Variants in GALNS observed in about 807,000 individuals in gnomAD.
GALNS encodes N-acetylgalactosamine-6-sulfatase.
In GALNS, 65 loss-of-function variants were observed where a neutral mutation model predicts 65.9. The observed-to-expected ratio is 0.99, with a 90% CI of 0.81 to 1.21. The LOEUF is 1.21. Among genes scored for constraint, GALNS ranks in the 50% most tolerant of loss-of-function variants. GALNS has a pLI of 0.00. For synonymous variants in GALNS, 346 were observed against 288.9 expected, an observed-to-expected ratio of 1.20 and a Z score of -2.00; for missense variants, 776 against 700.7, an observed-to-expected ratio of 1.11 and a Z score of -1.21.
intron 1 of GALNS, chr16:88,855,247 T>C: frequency 2.9e-6 from 2 of 699,384 alleles, no homozygotes. Context: ...TCTGAGAAAG[T>C]CAGGAAAAGC....
chr16:88,849,088 T>C lies in GALNS; in HGVS notation c.121-6259A>G, dbSNP rs74035863. 2.0e-3 allele frequency among the ~76,000 whole-genome samples: 304 copies of C among 152,312 alleles called. 3 individuals carry two copies. Among genetic ancestry groups the C allele is most frequent in the African/African-American group, 7.2e-3 (298 of 41,548 alleles). ...ATGTCTCATGGGACACAATTCTGTT[T>C]GGCCCTTTTAGCTTTGGATCCCTTT... On this transcript the variant is annotated intron_variant, in intron 1 of 13. Coordinates refer to ENST00000268695, the MANE Select transcript of GALNS (RefSeq NM_000512.5).
rs556077624 is a variant in GALNS at position 88,816,609 on chromosome 16, C to T, written c.1482+1398G>A. The T allele has an allele frequency of 1.2e-4, 117 of 984,202 alleles. No homozygotes were observed. In the African/African-American group the frequency reaches 1.9e-3, roughly 16 times the overall value. The allele number at this position is 984,202 out of a possible 1,614,324, so 61.0% of individuals were successfully genotyped here. On this transcript the variant is annotated intron_variant, in intron 13 of 13. Transcript: ENST00000268695. ...GGACTGTCCCTGGGCAGGGACAAGG[C>T]CATCTGCCCTCCATGGTCCTCACTG...
Position 88,824,842 on chromosome 16 carries a change from C to T in GALNS, c.1167G>A (p.Thr389=), listed in dbSNP as rs1289573209. The part of the protein sequence containing the change: ...DRPIFYYRGD[T]LMAATLGQHK... ...GCTGCCCGAGGGTGGCCGCCATCAG[C>T]GTGTCGCCACGGTAATAGAAGATAG... Residue 389 remains threonine (T), a synonymous_variant, in exon 11 of 14, where the codon ACG becomes ACA. Transcript: ENST00000268695. 5.6e-6 allele frequency: 9 copies of T among 1,613,200 alleles called. No homozygotes were observed. Among genetic ancestry groups the T allele is most frequent in the East Asian group, 2.2e-5 (1 of 44,886 alleles).
chr16:88,814,820 T>TG (rs1326634778), intron 13 of GALNS, among the ~76,000 whole-genome samples: 5 of 152,122 alleles, frequency 3.3e-5, no homozygotes, highest in African/African-American at 1.2e-4. Context: ...AGGCTGGTCT[T>TG]GAACTCCTGA....
intron 13 of GALNS, chr16:88,817,167 C>T: frequency 1.0e-6 from 1 of 985,458 alleles, no homozygotes; most frequent in Non-Finnish European, 1.2e-6. Context: ...CGTCCACATG[C>T]CACCCTATGG....
rs962867799 is a variant in GALNS, at chr16:88,856,929, T to A, written c.-52A>T. ...GGCCAGCGAGCCGACCTAGCGAGCGTCCGCCGGCCCTTCCGGCTGGGCTGC... is the reference window on the plus strand; with the variant it reads ...GGCCAGCGAGCCGACCTAGCGAGCGACCGCCGGCCCTTCCGGCTGGGCTGC... On this transcript the variant is annotated 5_prime_UTR_variant, in exon 1 of 14. Coordinates refer to ENST00000268695, the MANE Select transcript of GALNS (RefSeq NM_000512.5). 1.4e-5 allele frequency: 20 copies of A among 1,472,154 alleles called. No individual in the cohort carries two copies. Among genetic ancestry groups the A allele is most frequent in the Non-Finnish European group, 1.7e-5 (19 of 1,120,276 alleles). The allele number at this position is 1,472,154 out of a possible 1,614,324, so 91.2% of individuals were successfully genotyped here.
rs1246287118 is a variant in GALNS, at chr16:88,831,982, G to C, written c.1002+16C>G. 5.0e-6 allele frequency: 8 copies of C among 1,609,474 alleles called. No homozygotes were observed. Among genetic ancestry groups the C allele is most frequent in the Non-Finnish European group, 5.1e-6 (6 of 1,177,116 alleles). ...CCTGGACCTGCTGCCCGGCAGACCG[G>C]TGGACGCTGACTCACCTGGCCTGCA... On this transcript the variant is annotated intron_variant, in intron 9 of 13. Transcript: ENST00000268695.
At chr16:88,835,874 C>A in intron 6 of GALNS, 25 bp from the exon 7 acceptor site, 1 of 1,613,614 alleles carries the variant, frequency 6.2e-7, no homozygotes, top group South Asian at 1.1e-5. Context: ...ACACCGTCGT[C>A]CTCCAGCCTC....
intron 1 of GALNS, chr16:88,845,380 G>A (rs1281878314): frequency 2.6e-5 from 4 of 151,684 alleles, no homozygotes; most frequent in African/African-American, 9.7e-5. Flanking sequence ...AACCCAGCAG[G>A]TGGTTCACAT....
intron 3 of GALNS, 132 bp downstream of exon 3, chr16:88,841,765 C>G: frequency 1.2e-6 from 1 of 810,528 alleles, no homozygotes; most frequent in South Asian, 1.4e-5. Context: ...CACCTAAGTC[C>G]CAGAGACCCA....
chr16:88,854,401 T>C (rs1567547396), intron 1 of GALNS, among the ~76,000 whole-genome samples: 1 of 152,204 alleles, frequency 6.6e-6, no homozygotes, highest in Non-Finnish European at 1.5e-5. Flanking sequence ...CACTGTGAGC[T>C]TCTGTGGCTC....
At chr16:88,842,155 A>G (rs556206461) in intron 2 of GALNS, 184 bp from the exon 3 acceptor site, 2 of 691,696 alleles carry the variant, frequency 2.9e-6, no homozygotes, top group South Asian at 3.1e-5. Context: ...CACGGCACCC[A>G]TTCCACTGAA....
At chr16:88,818,641 C>T (rs1039448780) in intron 12 of GALNS, among the ~76,000 whole-genome samples, 8 of 152,350 alleles carry the variant, frequency 5.3e-5, no homozygotes, top group African/African-American at 9.6e-5. Context: ...TACGATTACA[C>T]GGCTCGACGA....
At chr16:88,816,105 G>C in intron 13 of GALNS, 7 of 985,314 alleles carry the variant, frequency 7.1e-6, no homozygotes, top group Non-Finnish European at 8.4e-6. Context: ...CAGTGGCTCA[G>C]CTCGCCAGGT....
intron 4 of GALNS, among the ~76,000 whole-genome samples, chr16:88,838,130 G>C (rs920042891): frequency 2.6e-5 from 4 of 152,146 alleles, no homozygotes; most frequent in African/African-American, 9.7e-5. Context: ...GAACTCCCAG[G>C]AGAGTTTTGC....
At chr16:88,840,370 CCAA>C in intron 4 of GALNS, 1 of 156,126 alleles carries the variant, frequency 6.4e-6, no homozygotes, top group Non-Finnish European at 1.4e-5. Context: ...GGGGAACGCT[CCAA>C]CAAGTGGAGA....
chr16:88,822,672 G>A lies in GALNS; in HGVS notation c.1281C>T (p.Val427=). ...DFCPGQNVSG[V]TTHNLEDHTK... ...TGTGGTCTTCCAGATTGTGAGTTGT[G>A]ACCCCTGAAACGTTCTGCCCAGGGC... Residue 427 remains valine, a synonymous_variant, in exon 12 of 14, where the codon GTC becomes GTT. Coordinates refer to ENST00000268695, the MANE Select transcript of GALNS (RefSeq NM_000512.5). The A allele has an allele frequency of 6.2e-7, 1 of 1,613,140 alleles. No individual in the cohort carries two copies. Among genetic ancestry groups the A allele is most frequent in the African/African-American group, 1.3e-5 (1 of 75,022 alleles).
intron 1 of GALNS, among the ~76,000 whole-genome samples, chr16:88,850,918 T>G (rs932618751): frequency 6.6e-6 from 1 of 152,184 alleles, no homozygotes; most frequent in Non-Finnish European, 1.5e-5. Context: ...GCTGCTCCTA[T>G]CAGCGAACAG....
chr16:88,832,966 T>TC (rs1224275289), intron 8 of GALNS, among the ~76,000 whole-genome samples: 58 of 148,796 alleles, frequency 3.9e-4, no homozygotes, highest in African/African-American at 1.4e-3. Flanking sequence ...TAGTCCCAGC[T>TC]ACTCAGGAGG....
Sources: allele counts gnomAD v4.1 joint callset (sites outside exome capture counted in the v4.1 genomes callset), GRCh38; gene constraint gnomAD v4.1.1; transcripts MANE v1.5; gene names NCBI Gene and HGNC (gene_info 2026-07-23, HGNC 2026-07-21).